C1GALT1: variants seen among roughly 807,000 people sequenced by gnomAD.
C1GALT1 encodes core 1 synthase, glycoprotein-N-acetylgalactosamine 3-beta-galactosyltransferase 1.
C1GALT1 carries 11 observed loss-of-function variants against 31.0 expected under a neutral mutation model. The observed-to-expected ratio is 0.36, with a 90% CI of 0.22 to 0.59. C1GALT1 has a LOEUF of 0.59. C1GALT1 is among the 20% of genes least tolerant of loss of function. The probability of loss-of-function intolerance (pLI) is 0.79; values close to 1 mark genes in which losing one functional copy is unlikely to be tolerated. For missense variants in C1GALT1, 424 were observed against 425.2 expected (o/e 1.00, Z 0.03); for synonymous variants, 175 against 143.6 (o/e 1.22, Z -1.56).
intron 1 of C1GALT1, among the ~76,000 whole-genome samples, chr7:7,213,822 G>C (rs1228064142): frequency 1.3e-5 from 2 of 152,160 alleles, no homozygotes; most frequent in Non-Finnish European, 2.9e-5. Context: ...GGGCAGATTA[G>C]TGCCTTAAGA....
chr7:7,240,042 C>CCT (rs1287702663), intron 3 of C1GALT1, among the ~76,000 whole-genome samples: 7 of 152,112 alleles, frequency 4.6e-5, no homozygotes, highest in African/African-American at 1.7e-4. Context: ...TTTCTGTGGA[C>CCT]CTAACGTATA....
At chr7:7,216,656 C>G (rs1055158979) in intron 1 of C1GALT1, among the ~76,000 whole-genome samples, 3 of 152,190 alleles carry the variant, frequency 2.0e-5, no homozygotes, top group Admixed American at 6.5e-5. Context: ...TTAAACTTCC[C>G]TTACTAATTA....
chr7:7,170,278 T>C (rs1213650866), intron 2 of C1GALT1, among the ~76,000 whole-genome samples: 3 of 152,220 alleles, frequency 2.0e-5, no homozygotes, highest in East Asian at 1.9e-4. Flanking sequence ...TTCTGTTTTA[T>C]TGATCTCTGC....
intron 2 of C1GALT1, among the ~76,000 whole-genome samples, chr7:7,171,518 C>CG (rs942400236): frequency 6.6e-5 from 10 of 152,200 alleles, no homozygotes; most frequent in Admixed American, 2.6e-4. Context: ...GAATCTCTTA[C>CG]AGACAGCATT....
chr7:7,172,421 T>G (rs1780463072), intron 2 of C1GALT1, among the ~76,000 whole-genome samples: 1 of 152,172 alleles, frequency 6.6e-6, no homozygotes. Flanking sequence ...TAAAATATCT[T>G]AAGTGTGGGT....
chr7:7,239,484 GCT>G (rs1295612835), intron 3 of C1GALT1, among the ~76,000 whole-genome samples: 2 of 152,172 alleles, frequency 1.3e-5, no homozygotes, highest in African/African-American at 4.8e-5. Context: ...GTCAAATCCT[GCT>G]CTCTCACTTA....
chr7:7,202,179 A>C (rs868841885), intron 1 of C1GALT1, among the ~76,000 whole-genome samples: 1 of 152,208 alleles, frequency 6.6e-6, no homozygotes, highest in Non-Finnish European at 1.5e-5. Flanking sequence ...TTGGGCACTC[A>C]GAGTTTTTTG....
chr7:7,160,067 A>G (rs1241254933), intron 2 of C1GALT1, among the ~76,000 whole-genome samples: 1 of 152,098 alleles, frequency 6.6e-6, no homozygotes, highest in African/African-American at 2.4e-5. Context: ...ATACATAAGT[A>G]AAACTAGTTA....
At chr7:7,212,586 GT>G (rs951366365) in intron 1 of C1GALT1, among the ~76,000 whole-genome samples, 93 of 152,314 alleles carry the variant, frequency 6.1e-4, no homozygotes, top group African/African-American at 2.2e-3. Context: ...CAACAAGGCT[GT>G]TTATTCACTT....
intron 3 of C1GALT1, among the ~76,000 whole-genome samples, chr7:7,239,124 G>A (rs969612068): frequency 1.3e-5 from 2 of 152,222 alleles, no homozygotes; most frequent in African/African-American, 4.8e-5. Context: ...AATAGCTATT[G>A]ATGCTGTTAT....
chr7:7,183,677 C>G (rs1228832111), intron 1 of C1GALT1: 5 of 822,736 alleles, frequency 6.1e-6, no homozygotes, highest in Non-Finnish European at 7.3e-6. Context: ...TCCCCACCCC[C>G]CACCACCCCG....
At chr7:7,178,565 C>A (rs1780531156), upstream of C1GALT1, among the ~76,000 whole-genome samples, 1 of 152,142 alleles carries the variant, frequency 6.6e-6, no homozygotes, top group Admixed American at 6.5e-5. Flanking sequence ...TTGTTCTATT[C>A]ACCATGTTAC....
chr7:7,231,243 GT>G (rs954583168), intron 1 of C1GALT1, among the ~76,000 whole-genome samples: 1 of 151,306 alleles, frequency 6.6e-6, no homozygotes, highest in East Asian at 1.9e-4. Context: ...CACCTTTGAA[GT>G]TTTTTTTTCT....
At position 7,209,260 on chromosome 7, in the gene C1GALT1, A is replaced by G. The variant is rs568317481; in HGVS notation, c.-17-25043A>G. 4.6e-5 allele frequency among the ~76,000 whole-genome samples: 7 copies of G among 152,376 alleles called. No individual in the cohort carries two copies. In the South Asian group the frequency reaches 1.4e-3, roughly 32 times the overall value. On this transcript the variant is annotated intron_variant, in intron 1 of 3. Transcript: ENST00000436587. ...TATAAGTCGCATATTATCTGCATAT[A>G]AAAAGTGATTGACTTCACATACTTT...
intron 1 of C1GALT1, among the ~76,000 whole-genome samples, chr7:7,193,904 A>G (rs1781176885): frequency 1.3e-5 from 2 of 151,404 alleles, no homozygotes; most frequent in Admixed American, 1.3e-4. Flanking sequence ...CCTTAGGTAT[A>G]TTCCTAAGTA....
chr7:7,219,476 C>G (rs987828473), intron 1 of C1GALT1, among the ~76,000 whole-genome samples: 32 of 152,204 alleles, frequency 2.1e-4, no homozygotes, highest in African/African-American at 7.7e-4. Flanking sequence ...TCTCCTTCCT[C>G]TCAGTTTTGT....
rs200516561 is a variant in C1GALT1, at chr7:7,238,938, T to C, written c.888+16T>C. 3.6e-5 allele frequency: 57 copies of C among 1,577,634 alleles called. No individual in the cohort carries two copies. In the East Asian group the frequency reaches 1.3e-3, roughly 35 times the overall value. On this transcript the variant is annotated intron_variant, in intron 3 of 3. Transcript: ENST00000436587. This position sits in a 1 kb window ranked among gnomAD's most constrained non-coding sequence, Gnocchi z 5.2. ...TCCTGTAGAGGTAAGTTTAGAAATTTTATTACTATGTCAATACTTGGACTG... is the reference window on the plus strand; with the variant it reads ...TCCTGTAGAGGTAAGTTTAGAAATTCTATTACTATGTCAATACTTGGACTG...
In C1GALT1 at chr7:7,243,570, A is replaced by C; in HGVS notation, c.935A>C (p.Asp312Ala). Residue 312 changes from aspartate (D) to alanine (A), a missense_variant, in exon 4 of 4, where the codon GAT becomes GCT. Asp to Ala is a moderately radical substitution (Grantham distance 126). Transcript: ENST00000436587. Reference sequence around the variant, plus strand: ...CTTGCAGTTTCTTTTCACTATGTTGATTCTACAACCATGTATGAGTTAGAA... The same window carrying C: ...CTTGCAGTTTCTTTTCACTATGTTGCTTCTACAACCATGTATGAGTTAGAA... ...SDLAVSFHYV[D>A]STTMYELEYL... is the part of the protein sequence containing the mutation. 3 of 1,610,686 alleles carry C rather than the reference A, an allele frequency of 1.9e-6. No homozygotes were observed. The South Asian group carries it at 3.3e-5, about 18-fold the overall frequency.
intron 1 of C1GALT1, 92 bp from the exon 2 acceptor site, chr7:7,234,210 CT>C: frequency 1.1e-6 from 1 of 894,540 alleles, no homozygotes; most frequent in Non-Finnish European, 1.7e-6. Flanking sequence ...TAGAAATTAA[CT>C]TTCCGTTATA....
Sources: gnomAD v4.1 joint callset for allele counts (sites outside exome capture counted in the v4.1 genomes callset) on GRCh38, gnomAD v4.1.1 for gene constraint, Gnocchi (gnomAD v3.1) non-coding constraint, MANE v1.5 for transcripts, NCBI Gene and HGNC (gene_info 2026-07-23, HGNC 2026-07-21) for gene names.